Variants in KIF5C observed in about 807,000 individuals in gnomAD.
KIF5C encodes kinesin heavy chain isoform 5C.
In KIF5C, 18 loss-of-function variants were observed where a neutral mutation model predicts 125.2. The observed-to-expected ratio is 0.14, with a 90% CI of 0.10 to 0.21. The LOEUF (loss-of-function observed/expected upper bound fraction) is 0.21. Among genes scored for constraint, KIF5C ranks in the 10% least tolerant of loss-of-function variants. KIF5C has a pLI of 1.00. For missense variants in KIF5C, 780 were observed against 1,183.8 expected, an observed-to-expected ratio of 0.66 and a Z score of 5.01; for synonymous variants, 405 against 434.0, an observed-to-expected ratio of 0.93 and a Z score of 0.83.
chr2:148,895,437 C>T (rs1681812793), intron 1 of KIF5C, among the ~76,000 whole-genome samples: 1 of 152,082 alleles, frequency 6.6e-6, no homozygotes, highest in Non-Finnish European at 1.5e-5. Flanking sequence ...CGCACTTGGC[C>T]CTACTTTTAT....
chr2:148,947,992 T>C (rs1682560318), intron 8 of KIF5C: 3 of 456,630 alleles, frequency 6.6e-6, no homozygotes, highest in African/African-American at 6.0e-5. Context: ...TGTCCTCTAG[T>C]ATGCATTTGT....
chr2:148,875,401 C>G lies in KIF5C; in HGVS notation c.-217C>G. 1.9e-6 allele frequency: 1 copy of G among 517,690 alleles called. No homozygotes were observed. Among genetic ancestry groups the G allele is most frequent in the East Asian group, 3.7e-5 (1 of 27,250 alleles). 32.1% of individuals were successfully genotyped at this position (517,690 alleles called of 1,614,324 possible). A position where few individuals can be genotyped will look rare whatever the true frequency, so the allele number is the denominator to read the frequency against. ...AGGGCCAGGGCAGGCCGGTCTGCAG[C>G]CGGAGGGGCCGGAGCGGAGAAGCTG... On this transcript the variant is annotated 5_prime_UTR_variant, in exon 1 of 26. Transcript: ENST00000435030.
Position 148,875,312 on chromosome 2 carries a change from G to C in KIF5C, c.-306G>C. 1 of 285,784 alleles carries C rather than the reference G, an allele frequency of 3.5e-6. No individual in the cohort carries two copies. Among genetic ancestry groups the C allele is most frequent in the Non-Finnish European group, 6.5e-6 (1 of 154,510 alleles). The allele number at this position is 285,784 out of a possible 1,614,324, so 17.7% of individuals were successfully genotyped here. A position where few individuals can be genotyped will look rare whatever the true frequency, so the allele number is the denominator to read the frequency against. On this transcript the variant is annotated 5_prime_UTR_variant, in exon 1 of 26. Coordinates refer to ENST00000435030, the MANE Select transcript of KIF5C (RefSeq NM_004522.3). ...GGGCGAGGCTCGCTCCCTGCGCATC[G>C]CCTCCTCCGCCCGCCGCGTGGTCGC...
chr2:148,934,015 G>C (rs1427238643), intron 3 of KIF5C, among the ~76,000 whole-genome samples: 1 of 148,732 alleles, frequency 6.7e-6, no homozygotes. Context: ...GACACATACA[G>C]ACATATACAT....
At chr2:148,946,784 AC>A (rs1453959826) in intron 7 of KIF5C, 114 bp from the exon 8 acceptor site, 1 of 1,452,648 alleles carries the variant, frequency 6.9e-7, no homozygotes, top group African/African-American at 1.4e-5. Context: ...AATTGACTGG[AC>A]TTACTTCAAT....
intron 11 of KIF5C, among the ~76,000 whole-genome samples, chr2:148,973,084 A>C (rs1024819839): frequency 6.6e-6 from 1 of 152,208 alleles, no homozygotes; most frequent in African/African-American, 2.4e-5. Context: ...AGTAGCTTGG[A>C]ACCAGTTTAC....
chr2:148,957,614 A>C (rs1353620277), intron 10 of KIF5C, among the ~76,000 whole-genome samples: 1 of 145,608 alleles, frequency 6.9e-6, no homozygotes. Context: ...AAAAAAAAAA[A>C]AAACAATAAA....
At chr2:148,930,350 A>C (rs1682148693) in intron 3 of KIF5C, among the ~76,000 whole-genome samples, 1 of 149,594 alleles carries the variant, frequency 6.7e-6, no homozygotes, top group Non-Finnish European at 1.5e-5. Flanking sequence ...TCTTTAAATC[A>C]CCAAATCCTA....
chr2:148,884,798 C>G (rs958990961), intron 1 of KIF5C, among the ~76,000 whole-genome samples: 1 of 152,124 alleles, frequency 6.6e-6, no homozygotes, highest in Admixed American at 6.5e-5. Flanking sequence ...TGTTCATTTC[C>G]AGCAAGGAGA....
chr2:148,973,098 A>G (rs1680963006), intron 11 of KIF5C, among the ~76,000 whole-genome samples: 1 of 152,154 alleles, frequency 6.6e-6, no homozygotes, highest in Non-Finnish European at 1.5e-5. Flanking sequence ...AGTTTACTTC[A>G]GGGATGCATC....
intron 1 of KIF5C, chr2:148,877,968 G>A (rs1041814465): frequency 6.6e-6 from 1 of 152,112 alleles, no homozygotes; most frequent in African/African-American, 2.4e-5. Context: ...TAAATAAGAA[G>A]TTTAAATAAA....
At chr2:148,878,609 A>G (rs564203295) in intron 1 of KIF5C, 1 of 152,394 alleles carries the variant, frequency 6.6e-6, no homozygotes, top group South Asian at 2.1e-4. Context: ...GATCCTTCCC[A>G]TTCCTAATTG....
intron 11 of KIF5C, among the ~76,000 whole-genome samples, chr2:148,963,748 T>C (rs113869430): frequency 6.6e-6 from 1 of 152,114 alleles, no homozygotes; most frequent in Non-Finnish European, 1.5e-5. Flanking sequence ...TGGTAAAGGA[T>C]TGGGGGTGCT....
Position 148,997,268 on chromosome 2 carries a change from A to T in KIF5C, c.2028A>T (p.Lys676Asn). 1 of 1,611,298 alleles carries T rather than the reference A, an allele frequency of 6.2e-7. No individual in the cohort carries two copies. Among genetic ancestry groups the T allele is most frequent in the Non-Finnish European group, 8.5e-7 (1 of 1,177,632 alleles). ...ATCATTTAAAATTCAAAACAGAAAA[A>T]ATGCACGAAGTCAGCTTCCAGGATA... The part of the protein sequence containing the change: ...EELAKLRAQE[K>N]MHEVSFQDKE... The change falls in exon 18 of 26, where the codon AAA (lysine) becomes AAT (asparagine). Residue 676 changes from lysine to asparagine, a missense_variant. By Grantham distance (94) the Lys-to-Asn change is moderately conservative. Coordinates refer to ENST00000435030, the MANE Select transcript of KIF5C (RefSeq NM_004522.3).
intron 2 of KIF5C, among the ~76,000 whole-genome samples, chr2:148,928,179 T>C (rs1415588565): frequency 6.6e-6 from 1 of 151,972 alleles, no homozygotes; most frequent in Non-Finnish European, 1.5e-5. Context: ...CAAACCAGCA[T>C]CATAAAATTC....
intron 1 of KIF5C, among the ~76,000 whole-genome samples, chr2:148,910,399 A>T (rs1389343412): frequency 1.3e-5 from 2 of 152,230 alleles, no homozygotes; most frequent in African/African-American, 4.8e-5. Context: ...TGGCAATTAC[A>T]TTAAAGAATA....
In KIF5C at chr2:148,983,692, A is replaced by G; in HGVS notation, c.1642A>G (p.Thr548Ala). 1 of 1,611,992 alleles carries G rather than the reference A, an allele frequency of 6.2e-7. No individual in the cohort carries two copies. The highest frequency in any genetic ancestry group is 8.5e-7 in the Non-Finnish European group (1 of 1,178,586). ...ELSNHQKKRA[T>A]EILNLLLKDL... is the part of the protein sequence containing the mutation. ...TAGCAACCACCAGAAGAAAAGGGCA[A>G]CTGAGATCCTGAATTTGCTGTTGAA... Residue 548 changes from threonine to alanine, a missense_variant, in exon 15 of 26, where the codon ACT (threonine) becomes GCT (alanine). Around this residue, in one of 2 missense-constraint regions of KIF5C, gnomAD observed 573 missense variants for 742.6 expected, o/e 0.77. Coordinates refer to ENST00000435030, the MANE Select transcript of KIF5C (RefSeq NM_004522.3).
chr2:148,948,715 G>A (rs1015805903), intron 8 of KIF5C, among the ~76,000 whole-genome samples: 2 of 152,194 alleles, frequency 1.3e-5, no homozygotes, highest in African/African-American at 4.8e-5. Context: ...CTGGCAGTTT[G>A]ACATTTCTGG....
intron 3 of KIF5C, among the ~76,000 whole-genome samples, chr2:148,933,894 A>C (rs1159416864): frequency 2.7e-5 from 4 of 150,378 alleles, no homozygotes; most frequent in Non-Finnish European, 4.4e-5. Flanking sequence ...CACACACAAT[A>C]TATCACACTC....
Sources: allele counts gnomAD v4.1 joint callset (sites outside exome capture counted in the v4.1 genomes callset), GRCh38; gene constraint gnomAD v4.1.1; regional missense constraint gnomAD v4.1.1; transcripts MANE v1.5; gene names NCBI Gene and HGNC (gene_info 2026-07-23, HGNC 2026-07-21).